Variants in DFFB observed in about 807,000 individuals in gnomAD.
DFFB encodes DNA fragmentation factor subunit beta.
In DFFB, 29 loss-of-function variants were observed where a neutral mutation model predicts 32.7. The ratio of observed to expected loss-of-function variants is 0.89; its 90% CI spans 0.66 to 1.21. DFFB has a LOEUF of 1.21. Among genes scored for constraint, DFFB ranks in the 50% most tolerant of loss-of-function variants. The pLI is 0.00. For synonymous variants in DFFB, 170 were observed against 177.1 expected (o/e 0.96, Z 0.32); for missense variants, 398 against 440.6 (o/e 0.90, Z 0.87).
intron 2 of DFFB, among the ~76,000 whole-genome samples, chr1:3,860,988 C>G (rs1339170525): frequency 6.6e-6 from 1 of 152,044 alleles, no homozygotes; most frequent in African/African-American, 2.4e-5. Context: ...AACCCCGTCT[C>G]TACTAAAAAT....
At chr1:3,868,742 G>T (rs567024347) in intron 4 of DFFB, among the ~76,000 whole-genome samples, 2 of 19,500 alleles carry the variant, frequency 1.0e-4, no homozygotes, top group Non-Finnish European at 2.0e-4. Flanking sequence ...ATGCCACACC[G>T]CATCATTAGC....
intron 6 of DFFB, among the ~76,000 whole-genome samples, chr1:3,880,737 G>A (rs559975891): frequency 3.3e-5 from 5 of 151,924 alleles, no homozygotes; most frequent in Non-Finnish European, 5.9e-5. Context: ...GCTCGCTTGG[G>A]CCTGGAGCTC....
intron 5 of DFFB, 57 bp downstream of exon 5, chr1:3,869,832 G>A (rs964282268): frequency 1.7e-5 from 25 of 1,514,010 alleles, no homozygotes; most frequent in South Asian, 7.6e-5. Context: ...AACACAGCCC[G>A]CCTGGGGCGA....
intron 6 of DFFB, among the ~76,000 whole-genome samples, chr1:3,880,659 C>T (rs1334726884): frequency 6.6e-6 from 1 of 152,078 alleles, no homozygotes; most frequent in East Asian, 1.9e-4. Context: ...CCTCTGTGCT[C>T]CAGTGTGTCA....
intron 6 of DFFB, among the ~76,000 whole-genome samples, chr1:3,874,421 T>C (rs1157134113): frequency 2.4e-5 from 1 of 42,286 alleles, no homozygotes; most frequent in African/African-American, 9.5e-5. Flanking sequence ...TCCCACGCTG[T>C]GGTCTGCAGA....
chr1:3,865,049 G>C lies in DFFB; in HGVS notation c.242-763G>C, dbSNP rs1644948866. ...CATGTGGTTTGCAAATATTTACCCT[G>C]TGGCTTTTCATTCTCTTAAGAGCAT... On this transcript the variant is annotated intron_variant, in intron 2 of 6. Transcript: ENST00000378209. This position sits in a 1 kb window ranked among gnomAD's most constrained non-coding sequence, Gnocchi z 4.7. 6.7e-6 allele frequency among the ~76,000 whole-genome samples: 1 copy of C among 149,488 alleles called. No individual in the cohort carries two copies. Among genetic ancestry groups the C allele is most frequent in the African/African-American group, 2.5e-5 (1 of 40,438 alleles).
Position 3,883,553 on chromosome 1 carries a change from A to G in DFFB, c.829A>G (p.Lys277Glu), listed in dbSNP as rs756222169. 15 of 1,614,116 alleles carry G rather than the reference A, an allele frequency of 9.3e-6. No individual in the cohort carries two copies. Among genetic ancestry groups the G allele is most frequent in the Admixed American group, 1.7e-5 (1 of 60,008 alleles). Residue 277 changes from lysine (K) to glutamate (E), a missense_variant, in exon 7 of 7, where the codon AAG (lysine) becomes GAG (glutamate). By Grantham distance (56) the Lys-to-Glu change is moderately conservative. Coordinates refer to ENST00000378209, the MANE Select transcript of DFFB (RefSeq NM_004402.4). ...CATTCCTACACTGGTGGAAGCAATT[A>G]AGGAACAAGATGGAAGAGAAGTGGA... ...TIIPTLVEAI[K>E]EQDGREVDWE...
Position 3,872,971 on chromosome 1 carries a change from T to A in DFFB, c.782+399T>A, listed in dbSNP as rs558097689. The A allele has an allele frequency of 3.5e-5, 44 of 1,252,358 alleles. 2 individuals carry two copies. In the South Asian group the frequency reaches 5.8e-4, roughly 17 times the overall value. The allele number at this position is 1,252,358 out of a possible 1,614,324, so 77.6% of individuals were successfully genotyped here. On this transcript the variant is annotated intron_variant, in intron 6 of 6. Transcript: ENST00000378209. The stretch of plus-strand genomic sequence containing the variant: ...CTCAGACAGCGGGAGCTCCTGGTGT[T>A]ATGATAGGTAAGGGTGTTTTTCCCT...
intron 5 of DFFB, 93 bp downstream of exon 5, chr1:3,869,868 C>T: frequency 1.5e-6 from 2 of 1,357,242 alleles, no homozygotes; most frequent in South Asian, 2.9e-5. Context: ...TCAGCCCTTG[C>T]CCTGCCTGGG....
intron 6 of DFFB, among the ~76,000 whole-genome samples, chr1:3,877,022 G>A (rs1355684544): frequency 2.0e-5 from 3 of 152,168 alleles, no homozygotes; most frequent in Non-Finnish European, 4.4e-5. Flanking sequence ...TGTGGCGGGT[G>A]GGGCCTGGAA....
At chr1:3,872,434 C>T (rs1645137095) in intron 5 of DFFB, 38 bp from the exon 6 acceptor site, 3 of 1,467,280 alleles carry the variant, frequency 2.0e-6, no homozygotes, top group Non-Finnish European at 2.8e-6. Flanking sequence ...AAAAGAGACT[C>T]ACTTTCTGGC....
chr1:3,873,047 T>G (rs548772138), intron 6 of DFFB: 3 of 1,179,338 alleles, frequency 2.5e-6, no homozygotes, highest in South Asian at 1.3e-5. Context: ...CAGGCTAAAG[T>G]GCAGTGGCAG....
intron 6 of DFFB, among the ~76,000 whole-genome samples, chr1:3,881,398 C>A (rs1487026346): frequency 1.3e-5 from 2 of 152,214 alleles, no homozygotes; most frequent in Non-Finnish European, 2.9e-5. Flanking sequence ...TTTTCTATCC[C>A]CCTTAATGGC....
intron 6 of DFFB, among the ~76,000 whole-genome samples, chr1:3,875,939 G>A (rs750960782): frequency 1.1e-4 from 16 of 152,072 alleles, no homozygotes; most frequent in Non-Finnish European, 2.4e-4. Context: ...ACCACACCCG[G>A]CTAATTTTTG....
intron 6 of DFFB, among the ~76,000 whole-genome samples, chr1:3,880,684 T>A (rs1645318606): frequency 6.6e-6 from 1 of 151,814 alleles, no homozygotes; most frequent in African/African-American, 2.4e-5. Flanking sequence ...GCCTTCAGTG[T>A]GGCTCTGGTG....
chr1:3,859,262 A>G (rs1377907097), intron 2 of DFFB, among the ~76,000 whole-genome samples: 1 of 150,848 alleles, frequency 6.6e-6, no homozygotes, highest in African/African-American at 2.4e-5. Context: ...GGATGCTCTC[A>G]CATTGTTCTC....
chr1:3,860,417 T>A (rs1015196358), intron 2 of DFFB: 19 of 441,486 alleles, frequency 4.3e-5, no homozygotes, highest in Non-Finnish European at 8.3e-5. Context: ...TTTGTAGAGA[T>A]AGGGTTTCGC....
At chr1:3,857,854 G>A (rs1644783286) in intron 1 of DFFB, 137 bp downstream of exon 1, 1 of 602,402 alleles carries the variant, frequency 1.7e-6, no homozygotes, top group Non-Finnish European at 2.7e-6. Flanking sequence ...CAGCCGCTAG[G>A]ACCCCGGGCC....
intron 6 of DFFB, among the ~76,000 whole-genome samples, chr1:3,881,139 A>G (rs1431567524): frequency 6.6e-6 from 1 of 152,172 alleles, no homozygotes; most frequent in Non-Finnish European, 1.5e-5. Context: ...CCCTCTGAAC[A>G]CTGCCATGGC....
Sources: allele counts gnomAD v4.1 joint callset (sites outside exome capture counted in the v4.1 genomes callset), GRCh38; gene constraint gnomAD v4.1.1; non-coding constraint Gnocchi (gnomAD v3.1); transcripts MANE v1.5; gene names NCBI Gene and HGNC (gene_info 2026-07-23, HGNC 2026-07-21).